Variants in NMNAT2 observed in about 807,000 individuals in gnomAD.
NMNAT2 encodes nicotinamide/nicotinic acid mononucleotide adenylyltransferase 2.
Under a neutral mutation model 41.6 loss-of-function variants are expected in NMNAT2, and 11 were observed. The ratio of observed to expected loss-of-function variants is 0.26; its 90% CI spans 0.17 to 0.44. The LOEUF (loss-of-function observed/expected upper bound fraction) is 0.44. NMNAT2 is among the 20% of genes least tolerant of loss of function. The pLI is 1.00. For missense variants in NMNAT2, 288 were observed against 407.7 expected, an observed-to-expected ratio of 0.71 and a Z score of 2.53; for synonymous variants, 148 against 151.2, an observed-to-expected ratio of 0.98 and a Z score of 0.16.
At chr1:183,265,138 T>A (rs1340727154) in intron 8 of NMNAT2, among the ~76,000 whole-genome samples, 1 of 146,498 alleles carries the variant, frequency 6.8e-6, no homozygotes, top group Non-Finnish European at 1.5e-5. Flanking sequence ...TCAAACTTAA[T>A]ATGTCCATGA....
intron 8 of NMNAT2, among the ~76,000 whole-genome samples, chr1:183,265,639 C>A (rs1041121750): frequency 2.6e-5 from 4 of 152,124 alleles, no homozygotes; most frequent in African/African-American, 9.7e-5. Context: ...TCTTATATCC[C>A]ACATTCAGTC....
intron 1 of NMNAT2, among the ~76,000 whole-genome samples, chr1:183,384,913 T>G (rs1648157847): frequency 6.6e-6 from 1 of 152,048 alleles, no homozygotes; most frequent in South Asian, 2.1e-4. Flanking sequence ...GGAATAGGAT[T>G]GGGTGTGGTG....
rs1663180943 is a variant in NMNAT2, at chr1:183,356,179, T to C, written c.85+62004A>G. On this transcript the variant is annotated intron_variant, in intron 1 of 10. Coordinates refer to ENST00000287713, the MANE Select transcript of NMNAT2 (RefSeq NM_015039.4). Reference sequence around the variant, plus strand: ...GTGAGCTATTTTTCCAATTTACAGATTTTTAAAAATGAGCATTAATGACAT... The same window carrying C: ...GTGAGCTATTTTTCCAATTTACAGACTTTTAAAAATGAGCATTAATGACAT... 2.6e-5 allele frequency among the ~76,000 whole-genome samples: 4 copies of C among 152,210 alleles called. No homozygotes were observed. In the South Asian group the frequency reaches 8.3e-4, roughly 31 times the overall value.
At chr1:183,294,891 A>G (rs1440767923) in intron 1 of NMNAT2, among the ~76,000 whole-genome samples, 1 of 152,260 alleles carries the variant, frequency 6.6e-6, no homozygotes, top group Non-Finnish European at 1.5e-5. Flanking sequence ...TTTTAAGTAG[A>G]AGGCGGCCTG....
At chr1:183,363,145 T>C (rs1399321120) in intron 1 of NMNAT2, among the ~76,000 whole-genome samples, 8 of 152,190 alleles carry the variant, frequency 5.3e-5, no homozygotes, top group Non-Finnish European at 1.0e-4. Context: ...TTGGGTTAAT[T>C]GTTGGTCTTG....
chr1:183,264,120 A>C (rs1660741046), intron 8 of NMNAT2, among the ~76,000 whole-genome samples: 1 of 152,190 alleles, frequency 6.6e-6, no homozygotes, highest in Non-Finnish European at 1.5e-5. Flanking sequence ...CCTAGTATAG[A>C]TTGCATAATG....
At chr1:183,341,810 A>G (rs1303268061) in intron 1 of NMNAT2, among the ~76,000 whole-genome samples, 8 of 146,928 alleles carry the variant, frequency 5.4e-5, no homozygotes. Flanking sequence ...AATTTCCATC[A>G]AAGAATGCTC....
In NMNAT2 at chr1:183,392,653, G is replaced by A. The variant is rs1237720358; in HGVS notation, c.85+25530C>T. Reference sequence around the variant, plus strand: ...TCTACCACCCCCTCTCTCTTCCTCCGCTCCAAACATACTAGCCTTGTTGGC... The same window carrying A: ...TCTACCACCCCCTCTCTCTTCCTCCACTCCAAACATACTAGCCTTGTTGGC... On this transcript the variant is annotated intron_variant, in intron 1 of 10. Transcript: ENST00000287713. Among the ~76,000 whole-genome samples the A allele has an allele frequency of 3.3e-5, 5 of 152,074 alleles. No individual in the cohort carries two copies. In the South Asian group the frequency reaches 6.3e-4, roughly 19 times the overall value.
chr1:183,414,702 T>C (rs1434162323), intron 1 of NMNAT2, among the ~76,000 whole-genome samples: 1 of 152,200 alleles, frequency 6.6e-6, no homozygotes, highest in East Asian at 1.9e-4. Context: ...TAGTTTCAAA[T>C]AGGAGAAATA....
At position 183,283,845 on chromosome 1, in the gene NMNAT2, CTT is replaced by C. The variant is rs759045028; in HGVS notation, c.574+148_574+149del. 1.9e-5 allele frequency: 14 copies of C among 752,754 alleles called. No individual in the cohort carries two copies. The East Asian group carries it at 2.9e-4, about 15-fold the overall frequency. The allele number at this position is 752,754 out of a possible 1,614,324, so 46.6% of individuals were successfully genotyped here. ...AAAGGGAGCTAACTACGAATGCAAT[CTT>C]AGCCTGGGAACGATCCCTCTTCCGA... On this transcript the variant is annotated intron_variant, in intron 7 of 10. Coordinates refer to ENST00000287713, the MANE Select transcript of NMNAT2 (RefSeq NM_015039.4).
chr1:183,406,104 A>T (rs1648947407), intron 1 of NMNAT2, among the ~76,000 whole-genome samples: 1 of 152,230 alleles, frequency 6.6e-6, no homozygotes, highest in Admixed American at 6.5e-5. Context: ...AGTGCCACAA[A>T]TAAAGGGATT....
intron 1 of NMNAT2, among the ~76,000 whole-genome samples, chr1:183,333,544 G>A (rs1378059301): frequency 1.3e-5 from 2 of 152,172 alleles, no homozygotes; most frequent in African/African-American, 2.4e-5. Context: ...GCCAAGGAGC[G>A]CAAGCAGTCT....
Position 183,377,794 on chromosome 1 carries a change from T to G in NMNAT2, c.85+40389A>C, listed in dbSNP as rs75252735. 1.7e-3 allele frequency among the ~76,000 whole-genome samples: 255 copies of G among 152,284 alleles called. 6 individuals are homozygous for G. In the East Asian group the frequency reaches 0.046, roughly 28 times the overall value. ...ACTAAAACCAGATTCATAAATGACA[T>G]GGGTGTTGGAGCTATCAGATTAGGA... is the stretch of plus-strand genomic sequence containing the variant. On this transcript the variant is annotated intron_variant, in intron 1 of 10. Coordinates refer to ENST00000287713, the MANE Select transcript of NMNAT2 (RefSeq NM_015039.4).
chr1:183,402,421 T>C (rs1470590794), intron 1 of NMNAT2, among the ~76,000 whole-genome samples: 1 of 152,168 alleles, frequency 6.6e-6, no homozygotes, highest in Admixed American at 6.5e-5. Flanking sequence ...CATAGAAAGA[T>C]GTTGAAATTT....
intron 1 of NMNAT2, among the ~76,000 whole-genome samples, chr1:183,329,816 T>C (rs1427292105): frequency 1.3e-5 from 2 of 152,202 alleles, no homozygotes; most frequent in Non-Finnish European, 2.9e-5. Context: ...TAGAGAGGTA[T>C]AGAAGTCATC....
chr1:183,416,824 A>T (rs1296590650), intron 1 of NMNAT2, among the ~76,000 whole-genome samples: 1 of 152,148 alleles, frequency 6.6e-6, no homozygotes. Flanking sequence ...CCCTGTCTTT[A>T]CCGCTGTGGT....
At chr1:183,280,336 T>C (rs544593370) in intron 7 of NMNAT2, among the ~76,000 whole-genome samples, 1 of 152,314 alleles carries the variant, frequency 6.6e-6, no homozygotes, top group East Asian at 1.9e-4. Context: ...ATAGGCCACA[T>C]GTGGCCCAGG....
intron 1 of NMNAT2, among the ~76,000 whole-genome samples, chr1:183,383,429 C>A (rs1214296292): frequency 6.6e-6 from 1 of 152,228 alleles, no homozygotes; most frequent in Non-Finnish European, 1.5e-5. Flanking sequence ...GCAGCTGGCT[C>A]GAATTCCTCC....
At chr1:183,325,077 G>A (rs762459956) in intron 1 of NMNAT2, among the ~76,000 whole-genome samples, 12 of 152,204 alleles carry the variant, frequency 7.9e-5, no homozygotes, top group Admixed American at 4.6e-4. Flanking sequence ...TCTGGGTAGA[G>A]AGTATGTGAC....
Sources: gnomAD v4.1 joint callset for allele counts (sites outside exome capture counted in the v4.1 genomes callset) on GRCh38, gnomAD v4.1.1 for gene constraint, MANE v1.5 for transcripts, NCBI Gene and HGNC (gene_info 2026-07-23, HGNC 2026-07-21) for gene names.